Variants in SCN10A observed in about 807,000 individuals in gnomAD.
SCN10A encodes the protein sodium voltage-gated channel alpha subunit 10.
Under a neutral mutation model 170.7 loss-of-function variants are expected in SCN10A, and 162 were observed. The observed-to-expected ratio is 0.95, with a 90% CI of 0.84 to 1.08. SCN10A has a LOEUF of 1.08. Among genes scored for constraint, SCN10A ranks in the 50% least tolerant of loss-of-function variants. SCN10A has a pLI of 0.00. For synonymous variants in SCN10A, 985 were observed against 904.6 expected (o/e 1.09, Z -1.59); for missense variants, 2,527 against 2,436.9 (o/e 1.04, Z -0.78).
chr3:38,776,728 T>C (rs2064079875), intron 4 of SCN10A, among the ~76,000 whole-genome samples: 1 of 152,090 alleles, frequency 6.6e-6, no homozygotes, highest in Non-Finnish European at 1.5e-5. Flanking sequence ...TAAGAATAAG[T>C]TGGAGTTCCC....
In SCN10A at chr3:38,794,042, T is replaced by C. The variant is rs771928708; in HGVS notation, c.-32A>G. On this transcript the variant is annotated splice_region_variant and 5_prime_UTR_variant, in exon 2 of 28. Coordinates refer to ENST00000449082, the MANE Select transcript of SCN10A (RefSeq NM_006514.4). ...ATTCTTCTTCAGGAAGTATTTATAC[T>C]CTTATAAGAGTGGACATAACCACAG... The C allele has an allele frequency of 2.1e-5, 34 of 1,605,568 alleles. No individual in the cohort carries two copies. The highest frequency in any genetic ancestry group is 2.6e-5 in the Non-Finnish European group (30 of 1,173,586).
chr3:38,727,032 G>C lies in SCN10A; in HGVS notation c.2661C>G (p.Ala887=), dbSNP rs766867806. 6 of 1,611,376 alleles carry C rather than the reference G, an allele frequency of 3.7e-6. No homozygotes were observed. Among genetic ancestry groups the C allele is most frequent in the Non-Finnish European group, 4.2e-6 (5 of 1,177,674 alleles). ...CAGCACTGAAAGAGTTCAATAGCAG[G>C]GCGATGAACAGGTTAAGCACCTGAA... ...GNLVVLNLFI[A]LLLNSFSADN... is the part of the protein sequence containing the mutation. Residue 887 remains alanine (A), a synonymous_variant, in exon 17 of 28, where the codon GCC becomes GCG. Coordinates refer to ENST00000449082, the MANE Select transcript of SCN10A (RefSeq NM_006514.4).
chr3:38,763,698 T>A (rs1207050231), intron 5 of SCN10A, 102 bp from the exon 6 acceptor site: 2 of 810,668 alleles, frequency 2.5e-6, no homozygotes, highest in Non-Finnish European at 4.2e-6. Flanking sequence ...CTAGAAAGGA[T>A]GCAGAATGGA....
intron 1 of SCN10A, among the ~76,000 whole-genome samples, chr3:38,800,901 C>G (rs376792147): frequency 6.6e-6 from 1 of 152,256 alleles, no homozygotes; most frequent in African/African-American, 2.4e-5. Flanking sequence ...GATGAGTGAG[C>G]AGTTTCTAAG....
At chr3:38,786,523 A>C (rs960167506) in intron 4 of SCN10A, among the ~76,000 whole-genome samples, 1 of 152,154 alleles carries the variant, frequency 6.6e-6, no homozygotes, top group Admixed American at 6.5e-5. Context: ...GAAATACCTA[A>C]TGTAGATGAT....
rs1393816464 is a variant in SCN10A at position 38,698,556 on chromosome 3, A to C, written c.4664T>G (p.Ile1555Ser). The change falls in exon 28 of 28, where the codon ATT becomes AGT. Residue 1555 changes from isoleucine (I) to serine (S), a missense_variant. Transcript: ENST00000449082. The part of the protein sequence containing the change: ...IVVVLSIASL[I>S]FSAILKSLQS... ...AAGTGACTTAAGAATTGCAGAAAAA[A>C]TCAGGCCTTTAAAAGAAGGAAGAAA... The C allele has an allele frequency of 6.2e-7, 1 of 1,609,384 alleles. No homozygotes were observed. Among genetic ancestry groups the C allele is most frequent in the African/African-American group, 1.3e-5 (1 of 74,716 alleles).
intron 4 of SCN10A, among the ~76,000 whole-genome samples, chr3:38,784,331 G>C (rs536719675): frequency 6.6e-6 from 1 of 151,958 alleles, no homozygotes; most frequent in Non-Finnish European, 1.5e-5. Context: ...TTCAACATAC[G>C]CAAGTCAATA....
At chr3:38,747,300 G>T (rs950573004) in intron 13 of SCN10A, among the ~76,000 whole-genome samples, 2 of 151,938 alleles carry the variant, frequency 1.3e-5, no homozygotes, top group Non-Finnish European at 2.9e-5. Flanking sequence ...CACTCCCGCC[G>T]CCAACCACCC....
At chr3:38,731,948 A>C (rs1398229653) in intron 15 of SCN10A, among the ~76,000 whole-genome samples, 5 of 152,248 alleles carry the variant, frequency 3.3e-5, no homozygotes, top group Admixed American at 2.0e-4. Flanking sequence ...TGCAGTATTA[A>C]GCTTTTCTTT....
In SCN10A at chr3:38,737,830, TTC is replaced by T. The variant is rs796906115; in HGVS notation, c.2280+1683_2280+1684del. Among the ~76,000 whole-genome samples the T allele has an allele frequency of 2.0e-3, 162 of 79,856 alleles. 2 individuals are homozygous for T. Among genetic ancestry groups the T allele is most frequent in the South Asian group, 7.8e-3 (17 of 2,168 alleles). 52.4% of individuals were successfully genotyped at this position (79,856 alleles called of 152,430 possible). On this transcript the variant is annotated intron_variant, in intron 15 of 27. Coordinates refer to ENST00000449082, the MANE Select transcript of SCN10A (RefSeq NM_006514.4). ...TTTCTTTCTTTCTTTCTTTCTTTCTTTCTCTTTCTTCTTTCTTTCTTTCTCTT... is the reference window on the plus strand; with the variant it reads ...TTTCTTTCTTTCTTTCTTTCTTTCTTTCTTTCTTCTTTCTTTCTTTCTCTT...
chr3:38,739,688 C>G lies in SCN10A; in HGVS notation c.2107G>C (p.Val703Leu). The change falls in exon 15 of 28, where the codon GTC becomes CTC. Residue 703 changes from valine to leucine, a missense_variant and splice_region_variant. Physicochemically the swap from Val to Leu is conservative, Grantham distance 32. Coordinates refer to ENST00000449082, the MANE Select transcript of SCN10A (RefSeq NM_006514.4). The part of the protein sequence containing the change: ...FEAMLQIGNI[V>L]FTIFFTAEMV... ...TCAGCAGTAAAAAATATGGTAAAGA[C>G]CTAGGAGTGGAAACAAGCTTTCATC... The G allele has an allele frequency of 6.2e-7, 1 of 1,609,790 alleles. No individual in the cohort carries two copies. The highest frequency in any genetic ancestry group is 8.5e-7 in the Non-Finnish European group (1 of 1,176,652).
In SCN10A at chr3:38,736,962, CGT is replaced by C. The variant is rs1491160002; in HGVS notation, c.2280+2551_2280+2552del. Among the ~76,000 whole-genome samples the C allele has an allele frequency of 3.3e-4, 23 of 69,244 alleles. 1 individual carries two copies. The highest frequency in any genetic ancestry group is 1.1e-3 in the African/African-American group (22 of 19,132). The allele number at this position is 69,244 out of a possible 152,430, so 45.4% of individuals were successfully genotyped here. A position where few individuals can be genotyped will look rare whatever the true frequency, so the allele number is the denominator to read the frequency against. On this transcript the variant is annotated intron_variant, in intron 15 of 27. Coordinates refer to ENST00000449082, the MANE Select transcript of SCN10A (RefSeq NM_006514.4). ...CTTCCCCAAGTGTAGCAGAAATGTT[CGT>C]TTTTTTTTTTTTTTTTTTTTTTTTG...
At position 38,728,442 on chromosome 3, in the gene SCN10A, C is replaced by T. The variant is rs866376367; in HGVS notation, c.2640+100G>A. 4.7e-5 allele frequency: 61 copies of T among 1,310,266 alleles called. No individual in the cohort carries two copies. In the South Asian group the frequency reaches 5.0e-4, roughly 11 times the overall value. The allele number at this position is 1,310,266 out of a possible 1,614,324, so 81.2% of individuals were successfully genotyped here. ...TGAAGACTTTTCAACCAGAGAAGTACAATCTGGGCATAAAAATGCAGATCA... is the reference window on the plus strand; with the variant it reads ...TGAAGACTTTTCAACCAGAGAAGTATAATCTGGGCATAAAAATGCAGATCA... On this transcript the variant is annotated intron_variant, in intron 16 of 27. Transcript: ENST00000449082.
At chr3:38,789,166 T>C in intron 3 of SCN10A, 130 bp from the exon 4 acceptor site, 1 of 658,046 alleles carries the variant, frequency 1.5e-6, no homozygotes, top group South Asian at 1.8e-5. Flanking sequence ...TGTCACATAA[T>C]AACCACTAAC....
intron 3 of SCN10A, among the ~76,000 whole-genome samples, chr3:38,790,570 AT>A (rs1449000097): frequency 2.6e-5 from 4 of 151,790 alleles, no homozygotes; most frequent in Non-Finnish European, 5.9e-5. Context: ...TTTATTTGTA[AT>A]TTCCATGTAA....
chr3:38,784,518 C>T (rs2064175228), intron 4 of SCN10A, among the ~76,000 whole-genome samples: 1 of 152,140 alleles, frequency 6.6e-6, no homozygotes, highest in Non-Finnish European at 1.5e-5. Flanking sequence ...AGCCCCCAGC[C>T]AATATCATAC....
At chr3:38,775,102 A>G (rs532852883) in intron 4 of SCN10A, among the ~76,000 whole-genome samples, 1 of 152,374 alleles carries the variant, frequency 6.6e-6, no homozygotes, top group African/African-American at 2.4e-5. Flanking sequence ...TATACATAAC[A>G]TAAAATTTAC....
intron 4 of SCN10A, among the ~76,000 whole-genome samples, chr3:38,782,262 A>G (rs2064146929): frequency 4.0e-5 from 6 of 151,846 alleles, no homozygotes; most frequent in Admixed American, 3.3e-4. Context: ...ATTTCTTGCT[A>G]TTTGTATCAT....
At chr3:38,792,195 A>C (rs1338901690) in intron 2 of SCN10A, 27 bp from the exon 3 acceptor site, 1 of 1,610,412 alleles carries the variant, frequency 6.2e-7, no homozygotes, top group South Asian at 1.1e-5. Flanking sequence ...CAGAAAGTGG[A>C]CCTCCAATGA....
Sources: gnomAD v4.1 joint callset for allele counts (sites outside exome capture counted in the v4.1 genomes callset) on GRCh38, gnomAD v4.1.1 for gene constraint, MANE v1.5 for transcripts, NCBI Gene and HGNC (gene_info 2026-07-23, HGNC 2026-07-21) for gene names.